The following TBC1D20 variants were observed in gnomAD, a reference collection of about 807,000 sequenced individuals.
The protein encoded by TBC1D20 is TBC1 domain family member 20, also known as chromosome 20 open reading frame 140.
TBC1D20 carries 12 observed loss-of-function variants against 41.6 expected under a neutral mutation model. The ratio of observed to expected loss-of-function variants is 0.29; its 90% CI spans 0.18 to 0.47. The LOEUF is 0.47. Ranked by LOEUF, TBC1D20 falls within the 20% of genes least tolerant of loss-of-function variation. The pLI is 1.00. For missense variants in TBC1D20, 421 were observed against 517.4 expected (o/e 0.81, Z 1.81); for synonymous variants, 205 against 204.8 (o/e 1.00, Z -0.01).
chr20:453,841 C>T (rs2017494794), intron 1 of TBC1D20, among the ~76,000 whole-genome samples: 1 of 146,644 alleles, frequency 6.8e-6, no homozygotes, highest in Non-Finnish European at 1.5e-5. Context: ...TGAGCCACCA[C>T]ACCTGGCCTA....
At chr20:456,178 CG>C (rs1269164183) in intron 1 of TBC1D20, among the ~76,000 whole-genome samples, 1 of 150,528 alleles carries the variant, frequency 6.6e-6, no homozygotes, top group Admixed American at 6.6e-5. Context: ...GAGGCAGAGG[CG>C]GGTTGTAGTG....
intron 1 of TBC1D20, among the ~76,000 whole-genome samples, chr20:456,717 A>G (rs1450412465): frequency 6.6e-6 from 1 of 151,578 alleles, no homozygotes; most frequent in Non-Finnish European, 1.5e-5. Flanking sequence ...GGCATTCACC[A>G]CCACGCCTGG....
At chr20:443,108 A>C (rs906119418) in intron 3 of TBC1D20, among the ~76,000 whole-genome samples, 9 of 152,242 alleles carry the variant, frequency 5.9e-5, no homozygotes, top group Admixed American at 5.9e-4. Flanking sequence ...TCCAAGAAAA[A>C]AAAAGCAAAT....
chr20:461,124 G>A (rs528859618), intron 1 of TBC1D20, among the ~76,000 whole-genome samples: 3 of 152,276 alleles, frequency 2.0e-5, no homozygotes, highest in African/African-American at 4.8e-5. Context: ...TATTAATAAC[G>A]TGTTTGGCTC....
intron 5 of TBC1D20, 99 bp downstream of exon 5, chr20:441,489 A>G: frequency 9.6e-7 from 1 of 1,041,516 alleles, no homozygotes; most frequent in Non-Finnish European, 1.5e-6. Flanking sequence ...TCCACCCAAG[A>G]CAATGAGGAA....
intron 3 of TBC1D20, 139 bp from the exon 4 acceptor site, chr20:442,182 C>T (rs1600330484): frequency 1.4e-6 from 1 of 729,800 alleles, no homozygotes; most frequent in East Asian, 2.8e-5. Context: ...TCAAGATCCA[C>T]TGTTGATACC....
In TBC1D20 at chr20:439,761, A is replaced by T. The variant is rs1012471150; in HGVS notation, c.769-466T>A. ...ACAGATGCTCAAGGGACCAGTGGTC[A>T]TTGAAGGACTTCCCTGAATTCCCAT... On this transcript the variant is annotated intron_variant, in intron 6 of 7. Coordinates refer to ENST00000354200, the MANE Select transcript of TBC1D20 (RefSeq NM_144628.4). The surrounding 1 kb of genome is among the most constrained non-coding windows in gnomAD (Gnocchi z 4.6). 6.6e-6 allele frequency among the ~76,000 whole-genome samples: 1 copy of T among 152,322 alleles called. No individual in the cohort carries two copies. Among genetic ancestry groups the T allele is most frequent in the Non-Finnish European group, 1.5e-5 (1 of 68,016 alleles).
rs1453351730 is a variant in TBC1D20 at position 436,302 on chromosome 20, GTTTA to G, written c.*2280_*2283del. 2 of 152,198 alleles carry G rather than the reference GTTTA, an allele frequency of 1.3e-5. No homozygotes were observed. The highest frequency in any genetic ancestry group is 4.8e-5 in the African/African-American group (2 of 41,440). 9.4% of individuals were successfully genotyped at this position (152,198 alleles called of 1,614,324 possible). ...AGGTGATTAGTAACCACATATGGCT[GTTTA>G]TTTGATACAGGGCTCTGTACAAAAT... is the stretch of plus-strand genomic sequence containing the variant. On this transcript the variant is annotated 3_prime_UTR_variant, in exon 8 of 8. Transcript: ENST00000354200.
At position 457,087 on chromosome 20, in the gene TBC1D20, C is replaced by T. The variant is rs145886802; in HGVS notation, c.70+5249G>A. Among the ~76,000 whole-genome samples, 666 of 152,016 alleles carry T rather than the reference C, an allele frequency of 4.4e-3. 3 individuals are homozygous for T. The highest frequency in any genetic ancestry group is 6.3e-3 in the Non-Finnish European group (431 of 67,964). Reference sequence around the variant, plus strand: ...GAGTAGCTGGGATTACAGGCATGCACCACCATGCCTGGCTAATTTTGTATT... The same window carrying T: ...GAGTAGCTGGGATTACAGGCATGCATCACCATGCCTGGCTAATTTTGTATT... On this transcript the variant is annotated intron_variant, in intron 1 of 7. Coordinates refer to ENST00000354200, the MANE Select transcript of TBC1D20 (RefSeq NM_144628.4).
chr20:455,508 C>T (rs1351467603), intron 1 of TBC1D20, among the ~76,000 whole-genome samples: 6 of 151,878 alleles, frequency 4.0e-5, no homozygotes. Flanking sequence ...GTCCCATCTA[C>T]TCAGGAGGAT....
At chr20:449,285 TAA>T (rs1169245536) in intron 1 of TBC1D20, among the ~76,000 whole-genome samples, 78 of 56,938 alleles carry the variant, frequency 1.4e-3, no homozygotes, top group Non-Finnish European at 8.9e-4. Flanking sequence ...CCCAATACAT[TAA>T]AAAAAAAAAA....
Position 439,090 on chromosome 20 carries a change from T to C in TBC1D20, c.956+18A>G. ...TTTACAGCCACCCCCATTCAACCAGTGTCCCAGCCTTGCTCACCTCTCAGC... is the reference window on the plus strand; with the variant it reads ...TTTACAGCCACCCCCATTCAACCAGCGTCCCAGCCTTGCTCACCTCTCAGC... On this transcript the variant is annotated intron_variant, in intron 7 of 7. Transcript: ENST00000354200. This position sits in a 1 kb window ranked among gnomAD's most constrained non-coding sequence, Gnocchi z 4.6. 1.9e-6 allele frequency: 3 copies of C among 1,597,192 alleles called. No individual in the cohort carries two copies. Among genetic ancestry groups the C allele is most frequent in the Non-Finnish European group, 1.7e-6 (2 of 1,171,482 alleles).
chr20:462,132 G>A (rs2017642896), intron 1 of TBC1D20, among the ~76,000 whole-genome samples: 1 of 152,176 alleles, frequency 6.6e-6, no homozygotes, highest in African/African-American at 2.4e-5. Context: ...GGGTCAGCTC[G>A]GCACCCGCCC....
At chr20:453,512 G>A (rs1412934795) in intron 1 of TBC1D20, among the ~76,000 whole-genome samples, 2 of 146,640 alleles carry the variant, frequency 1.4e-5, no homozygotes, top group African/African-American at 5.1e-5. Context: ...CAGCAACCAC[G>A]GACGGTGGCT....
intron 1 of TBC1D20, among the ~76,000 whole-genome samples, chr20:454,236 CAAAA>C (rs5839859): frequency 6.5e-5 from 7 of 108,340 alleles, no homozygotes; most frequent in Non-Finnish European, 9.6e-5. Flanking sequence ...AGTTCTGTCT[CAAAA>C]AAAAAAAAAA....
intron 1 of TBC1D20, 92 bp downstream of exon 1, chr20:462,244 C>T (rs2017645276): frequency 3.2e-6 from 3 of 930,476 alleles, no homozygotes; most frequent in South Asian, 4.7e-5. Context: ...GGGTCCCCAG[C>T]CCGCGCCCCT....
chr20:460,239 C>G (rs184500510), intron 1 of TBC1D20, among the ~76,000 whole-genome samples: 2,079 of 151,952 alleles, frequency 0.014, 30 homozygotes, highest in Admixed American at 0.036. Context: ...GGGAGGGAGA[C>G]AGACATACCC....
intron 1 of TBC1D20, among the ~76,000 whole-genome samples, chr20:459,565 G>A (rs2017595977): frequency 6.6e-6 from 1 of 152,178 alleles, no homozygotes; most frequent in South Asian, 2.1e-4. Context: ...ATAAATCCCT[G>A]ATGCCTGAAA....
intron 1 of TBC1D20, among the ~76,000 whole-genome samples, chr20:450,971 G>A (rs750844883): frequency 1.3e-5 from 2 of 152,178 alleles, no homozygotes; most frequent in Non-Finnish European, 2.9e-5. Flanking sequence ...GATGATGCCT[G>A]TATTTCAGTT....
Sources: allele counts gnomAD v4.1 joint callset (sites outside exome capture counted in the v4.1 genomes callset), GRCh38; gene constraint gnomAD v4.1.1; non-coding constraint Gnocchi (gnomAD v3.1); transcripts MANE v1.5; gene names NCBI Gene and HGNC (gene_info 2026-07-23, HGNC 2026-07-21).